Variants in ERBB2 observed in about 807,000 individuals in gnomAD.
ERBB2 encodes erb-b2 receptor tyrosine kinase 2, also known as receptor tyrosine-protein kinase erbB-2.
Under a neutral mutation model 149.0 loss-of-function variants are expected in ERBB2, and 61 were observed. The observed-to-expected ratio is 0.41, with a 90% CI of 0.33 to 0.51. The LOEUF (loss-of-function observed/expected upper bound fraction) is 0.51. ERBB2 is among the 20% of genes least tolerant of loss of function. The probability of loss-of-function intolerance (pLI) is 0.25; values close to 1 mark genes in which losing one functional copy is unlikely to be tolerated. For missense variants in ERBB2, 1,205 were observed against 1,655.1 expected, an observed-to-expected ratio of 0.73 and a Z score of 4.72; for synonymous variants, 633 against 678.8, an observed-to-expected ratio of 0.93 and a Z score of 1.05.
chr17:39,691,535 T>C (rs1055289466), upstream of ERBB2, among the ~76,000 whole-genome samples: 2 of 102,888 alleles, frequency 1.9e-5, no homozygotes, highest in Admixed American at 9.7e-5. Context: ...AGAGCGAGAC[T>C]CCATCTACAT....
At position 39,725,644 on chromosome 17, in the gene ERBB2, C is replaced by A. The variant is rs2143048588; in HGVS notation, c.2726-63C>A. 1 of 1,532,006 alleles carries A rather than the reference C, an allele frequency of 6.5e-7. No individual in the cohort carries two copies. The highest frequency in any genetic ancestry group is 8.9e-7 in the Non-Finnish European group (1 of 1,129,934). 94.9% of individuals were successfully genotyped at this position (1,532,006 alleles called of 1,614,324 possible). On this transcript the variant is annotated intron_variant, in intron 22 of 26. Coordinates refer to ENST00000269571, the MANE Select transcript of ERBB2 (RefSeq NM_004448.4). This position sits in a 1 kb window ranked among gnomAD's most constrained non-coding sequence, Gnocchi z 4.6. ...ATGATGCTAGACTCCTGAGCAGAAC[C>A]TCTGGCTCAGTACACTAAAGCTCCC...
intron 9 of ERBB2, among the ~76,000 whole-genome samples, chr17:39,714,613 G>A (rs2059009617): frequency 1.3e-5 from 2 of 152,070 alleles, no homozygotes; most frequent in Admixed American, 1.3e-4. Context: ...TTATGTGGCT[G>A]GGTGGCTCGG....
intron 7 of ERBB2, 55 bp from the exon 8 acceptor site, chr17:39,711,873 C>A (rs906579838): frequency 1.9e-6 from 3 of 1,610,674 alleles, no homozygotes; most frequent in South Asian, 2.2e-5. Context: ...TAATGCTGCT[C>A]ATGGTGGTGC....
At chr17:39,712,527 G>T (rs2145584063) in intron 9 of ERBB2, 79 bp downstream of exon 9, 1 of 1,530,558 alleles carries the variant, frequency 6.5e-7, no homozygotes, top group Non-Finnish European at 8.9e-7. Flanking sequence ...GCATCTCTTG[G>T]GGATGGCAGG....
intron 10 of ERBB2, 42 bp downstream of exon 10, chr17:39,715,401 TC>T: frequency 6.2e-7 from 1 of 1,613,248 alleles, no homozygotes. Flanking sequence ...GGGCTGGGAG[TC>T]CTTGTCCTGT....
intron 1 of ERBB2, among the ~76,000 whole-genome samples, chr17:39,706,208 C>T (rs946734493): frequency 3.3e-5 from 5 of 152,316 alleles, no homozygotes; most frequent in South Asian, 4.1e-4. Flanking sequence ...GACGTAGTGC[C>T]TTTGTGGCAG....
chr17:39,724,272 A>ATTTTTTTTTCTTTTTTTTTTT (rs2059617610), intron 19 of ERBB2, among the ~76,000 whole-genome samples: 1 of 77,016 alleles, frequency 1.3e-5, no homozygotes, highest in African/African-American at 4.6e-5. Context: ...GCGCCCGCTA[A>ATTTTTTTTTCTTTTTTTTTTT]TTTTTTTTTT....
At chr17:39,708,161 CG>C (rs1421045637) in intron 2 of ERBB2, 159 bp from the exon 3 acceptor site, 17 of 584,222 alleles carry the variant, frequency 2.9e-5, no homozygotes, top group Admixed American at 9.1e-5. Flanking sequence ...CAAGGTAGGG[CG>C]TGATCTTTAT....
intron 2 of ERBB2, 22 bp from the exon 3 acceptor site, chr17:39,708,299 C>T (rs2145435376): frequency 6.2e-7 from 1 of 1,600,720 alleles, no homozygotes; most frequent in Non-Finnish European, 8.6e-7. Flanking sequence ...TATTTCAGCC[C>T]CACTCTGCTT....
At chr17:39,694,025 A>C (rs2057769576), upstream of ERBB2, among the ~76,000 whole-genome samples, 1 of 147,256 alleles carries the variant, frequency 6.8e-6, no homozygotes, top group South Asian at 2.1e-4. Context: ...GCCTCTATCA[A>C]AAATACAAAA....
chr17:39,693,389 A>G (rs1482515442), upstream of ERBB2: 1 of 152,172 alleles, frequency 6.6e-6, no homozygotes, highest in Non-Finnish European at 1.5e-5. Flanking sequence ...AGCTTCCTTT[A>G]TTGTAAAAAT....
chr17:39,699,906 G>A, upstream of ERBB2: 1 of 861,900 alleles, frequency 1.2e-6, no homozygotes, highest in Non-Finnish European at 1.6e-6. Flanking sequence ...CGAAGAGAGG[G>A]AGAAAGTGAA....
At chr17:39,712,216 C>A (rs2145568996) in intron 8 of ERBB2, 106 bp from the exon 9 acceptor site, 1 of 1,539,706 alleles carries the variant, frequency 6.5e-7, no homozygotes, top group South Asian at 1.1e-5. Context: ...CCTATATCCC[C>A]TGTCAGTGTG....
chr17:39,710,435 C>T lies in ERBB2; in HGVS notation c.855C>T (p.Pro285=), dbSNP rs747503021. The part of the protein sequence containing the change: ...NTDTFESMPN[P]EGRYTFGASC... ...ACACGTTTGAGTCCATGCCCAATCC[C>T]GAGGGCCGGTATACATTCGGCGCCA... is the stretch of plus-strand genomic sequence containing the variant. The change falls in exon 7 of 27, where the codon CCC becomes CCT. Residue 285 remains proline (P), a synonymous_variant. Coordinates refer to ENST00000269571, the MANE Select transcript of ERBB2 (RefSeq NM_004448.4). 30 of 1,613,960 alleles carry T rather than the reference C, an allele frequency of 1.9e-5. No homozygotes were observed. Among genetic ancestry groups the T allele is most frequent in the African/African-American group, 8.0e-5 (6 of 74,936 alleles).
chr17:39,688,582 G>A (rs1483893741), intron 1 of ERBB2: 3 of 152,412 alleles, frequency 2.0e-5, no homozygotes, highest in African/African-American at 7.2e-5. Flanking sequence ...TTTGGCCCCT[G>A]TCCACTGGTC....
chr17:39,698,636 T>C (rs2057931760), upstream of ERBB2, among the ~76,000 whole-genome samples: 1 of 152,112 alleles, frequency 6.6e-6, no homozygotes, highest in South Asian at 2.1e-4. Flanking sequence ...CATAGCAACC[T>C]GTCCCACAAG....
rs1332673843 is a variant in ERBB2 at position 39,709,889 on chromosome 17, TCAG to T, written c.643+9_643+11del. 6.2e-7 allele frequency: 1 copy of T among 1,613,024 alleles called. No individual in the cohort carries two copies. Among genetic ancestry groups the T allele is most frequent in the East Asian group, 2.2e-5 (1 of 44,890 alleles). On this transcript the variant is annotated intron_variant, in intron 5 of 26. Transcript: ENST00000269571. Reference sequence around the variant, plus strand: ...CTGAGGATTGTCAGAGCCGTGAGTCTCAGGGAGGCCTGGAGTCAGGGAAGGGGA... The same window carrying T: ...CTGAGGATTGTCAGAGCCGTGAGTCTGGAGGCCTGGAGTCAGGGAAGGGGA...
At chr17:39,712,222 G>T (rs1383329823) in intron 8 of ERBB2, 100 bp from the exon 9 acceptor site, 2 of 1,551,288 alleles carry the variant, frequency 1.3e-6, no homozygotes, top group African/African-American at 1.4e-5. Flanking sequence ...TCCCCTGTCA[G>T]TGTGGGGAGG....
chr17:39,708,168 T>C, intron 2 of ERBB2, 153 bp from the exon 3 acceptor site: 1 of 593,600 alleles, frequency 1.7e-6, no homozygotes, highest in Non-Finnish European at 3.0e-6. Context: ...GGGCGTGATC[T>C]TTATCTCTAT....
Sources: gnomAD v4.1 joint callset for allele counts (sites outside exome capture counted in the v4.1 genomes callset) on GRCh38, gnomAD v4.1.1 for gene constraint, Gnocchi (gnomAD v3.1) non-coding constraint, MANE v1.5 for transcripts, NCBI Gene and HGNC (gene_info 2026-07-23, HGNC 2026-07-21) for gene names.